Variants in HIBCH observed in about 807,000 individuals in gnomAD.
The protein encoded by HIBCH is 3-hydroxyisobutyryl-CoA hydrolase, mitochondrial.
A neutral mutation model predicts 58.2 loss-of-function variants in HIBCH; 50 were observed. That is an observed-to-expected ratio of 0.86 (90% confidence interval 0.68 to 1.09). HIBCH has a LOEUF of 1.09. HIBCH is among the 50% of genes least tolerant of loss of function. HIBCH has a pLI of 0.00. For missense variants in HIBCH, 450 were observed against 449.7 expected (o/e 1.00, Z -0.01); for synonymous variants, 151 against 146.9 (o/e 1.03, Z -0.20).
chr2:190,266,675 G>A (rs1055468014), intron 6 of HIBCH, among the ~76,000 whole-genome samples: 4 of 149,218 alleles, frequency 2.7e-5, no homozygotes, highest in African/African-American at 7.4e-5. Flanking sequence ...TCCAGGTGAC[G>A]CGCCCGCCTC....
At position 190,204,944 on chromosome 2, in the gene HIBCH, A is replaced by G; in HGVS notation, c.*173T>C. ...AATAAAGCTTTATTTGTGAATTCTG[A>G]TAATTTTCACGTCATGAATTATTAG... On this transcript the variant is annotated 3_prime_UTR_variant, in exon 14 of 14. Transcript: ENST00000359678. 3 of 621,088 alleles carry G rather than the reference A, an allele frequency of 4.8e-6. No individual in the cohort carries two copies. Among genetic ancestry groups the G allele is most frequent in the East Asian group, 2.8e-5 (1 of 35,404 alleles). 38.5% of individuals were successfully genotyped at this position (621,088 alleles called of 1,614,324 possible).
chr2:190,246,280 A>T, intron 9 of HIBCH, 68 bp from the exon 10 acceptor site: 1 of 863,900 alleles, frequency 1.2e-6, no homozygotes. Context: ...ATTCATATTT[A>T]ATGATACACT....
chr2:190,270,763 A>AG (rs1232140108), intron 6 of HIBCH, among the ~76,000 whole-genome samples: 1 of 152,220 alleles, frequency 6.6e-6, no homozygotes, highest in Non-Finnish European at 1.5e-5. Flanking sequence ...CACATACATT[A>AG]GATTAACAGA....
Position 190,249,697 on chromosome 2 carries a change from G to A in HIBCH, c.693C>T (p.Ala231=). The A allele has an allele frequency of 1.9e-6, 3 of 1,609,364 alleles. No homozygotes were observed. In the South Asian group the frequency reaches 3.3e-5, roughly 18 times the overall value. ...KLAMLEEDLL[A]LKSPSKENIA... ...TATTTTCTTTTGAAGGAGATTTCAAGGCTAACAAATCTTCCTCTAACATGG... is the reference window on the plus strand; with the variant it reads ...TATTTTCTTTTGAAGGAGATTTCAAAGCTAACAAATCTTCCTCTAACATGG... The change falls in exon 9 of 14, where the codon GCC becomes GCT. Residue 231 remains alanine (A), a synonymous_variant. Transcript: ENST00000359678.
chr2:190,290,067 C>G (rs539441998), intron 5 of HIBCH, among the ~76,000 whole-genome samples: 1 of 152,022 alleles, frequency 6.6e-6, no homozygotes, highest in Non-Finnish European at 1.5e-5. Flanking sequence ...TTAGTAGAGA[C>G]GGGGTTTCAG....
At chr2:190,285,111 T>C (rs946908289) in intron 6 of HIBCH, among the ~76,000 whole-genome samples, 2 of 152,232 alleles carry the variant, frequency 1.3e-5, no homozygotes, top group Admixed American at 6.5e-5. Flanking sequence ...ATTAAATTCA[T>C]CTCTTTCTAA....
intron 6 of HIBCH, among the ~76,000 whole-genome samples, chr2:190,280,476 A>C (rs1687676512): frequency 6.6e-6 from 1 of 152,192 alleles, no homozygotes; most frequent in South Asian, 2.1e-4. Context: ...AGGGAAAGGC[A>C]GTCTCCCAGT....
intron 6 of HIBCH, among the ~76,000 whole-genome samples, chr2:190,286,487 G>A (rs1016712216): frequency 2.0e-5 from 3 of 151,926 alleles, no homozygotes; most frequent in Non-Finnish European, 2.9e-5. Context: ...CCCTGCAATC[G>A]GTGAGGAAAA....
At chr2:190,302,081 A>G (rs1352254391) in intron 2 of HIBCH, among the ~76,000 whole-genome samples, 1 of 152,168 alleles carries the variant, frequency 6.6e-6, no homozygotes, top group Non-Finnish European at 1.5e-5. Flanking sequence ...AGACTATGAC[A>G]AATGAACTGT....
Position 190,209,240 on chromosome 2 carries a change from T to C in HIBCH, c.1012-327A>G, listed in dbSNP as rs1690462737. Among the ~76,000 whole-genome samples the C allele has an allele frequency of 6.6e-6, 1 of 152,156 alleles. No homozygotes were observed. The highest frequency in any genetic ancestry group is 1.5e-5 in the Non-Finnish European group (1 of 68,030). ...TAATATGGTCACTTTCCTGTCAAAA[T>C]GTCATCATCTCCCTCAAACCTTTTT... On this transcript the variant is annotated intron_variant, in intron 12 of 13. Transcript: ENST00000359678. The surrounding 1 kb of genome is among the most constrained non-coding windows in gnomAD (Gnocchi z 5.6).
chr2:190,315,565 C>T lies in HIBCH; in HGVS notation c.35+4151G>A, dbSNP rs1476745058. ...CAATTATCCAATAAAACAAACATGG[C>T]CTCACGAAATTAAACAACTACATGA... On this transcript the variant is annotated intron_variant, in intron 1 of 13. Transcript: ENST00000359678. The surrounding 1 kb of genome is among the most constrained non-coding windows in gnomAD (Gnocchi z 5.4). 1.3e-5 allele frequency among the ~76,000 whole-genome samples: 2 copies of T among 152,152 alleles called. No individual in the cohort carries two copies. The highest frequency in any genetic ancestry group is 4.8e-5 in the African/African-American group (2 of 41,440).
intron 11 of HIBCH, among the ~76,000 whole-genome samples, chr2:190,235,841 C>T (rs973183112): frequency 2.0e-5 from 3 of 152,192 alleles, no homozygotes. Context: ...CTACTTTAGA[C>T]ACACTTGCCA....
chr2:190,215,206 G>A lies in HIBCH; in HGVS notation c.892-2131C>T, dbSNP rs1345549924. ...AGATGATGTCAATCATGAATATTGT[G>A]TTTACTGGGGAAGAGAGGGGAATAA... is the stretch of plus-strand genomic sequence containing the variant. On this transcript the variant is annotated intron_variant, in intron 11 of 13. Transcript: ENST00000359678. The surrounding 1 kb of genome is among the most constrained non-coding windows in gnomAD (Gnocchi z 4.4). The A allele has an allele frequency of 2.0e-5, 3 of 152,158 alleles. No individual in the cohort carries two copies. The highest frequency in any genetic ancestry group is 2.9e-5 in the Non-Finnish European group (2 of 68,034). The allele number at this position is 152,158 out of a possible 1,614,324, so 9.4% of individuals were successfully genotyped here. A position where few individuals can be genotyped will look rare whatever the true frequency, so the allele number is the denominator to read the frequency against.
chr2:190,211,660 G>A lies in HIBCH; in HGVS notation c.1011+1296C>T, dbSNP rs1287778187. Among the ~76,000 whole-genome samples, 2 of 152,052 alleles carry A rather than the reference G, an allele frequency of 1.3e-5. No homozygotes were observed. The highest frequency in any genetic ancestry group is 2.9e-5 in the Non-Finnish European group (2 of 67,998). ...TCCCATTGCCCCCCAACTCCCTCCTGTCCCTGCATAATCTCTTCTATCACC... is the reference window on the plus strand; with the variant it reads ...TCCCATTGCCCCCCAACTCCCTCCTATCCCTGCATAATCTCTTCTATCACC... On this transcript the variant is annotated intron_variant, in intron 12 of 13. Coordinates refer to ENST00000359678, the MANE Select transcript of HIBCH (RefSeq NM_014362.4). This position sits in a 1 kb window ranked among gnomAD's most constrained non-coding sequence, Gnocchi z 5.0.
In HIBCH at chr2:190,211,959, C is replaced by A. The variant is rs998909717; in HGVS notation, c.1011+997G>T. On this transcript the variant is annotated intron_variant, in intron 12 of 13. Transcript: ENST00000359678. This position sits in a 1 kb window ranked among gnomAD's most constrained non-coding sequence, Gnocchi z 5.0. ...TGTGTGAGGTATACAGGAGAGTGGT[C>A]AAGAGTGCAGGCACTGGAGTAAGAC... Among the ~76,000 whole-genome samples, 9 of 152,162 alleles carry A rather than the reference C, an allele frequency of 5.9e-5. No individual in the cohort carries two copies. The highest frequency in any genetic ancestry group is 1.0e-4 in the Non-Finnish European group (7 of 68,026).
chr2:190,271,169 C>CA lies in HIBCH; in HGVS notation c.439-9936dup, dbSNP rs1414897782. ...TGGCCCAGCCTAGACACCTGAAAGT[C>CA]ATTCTTGCTCCACTTTATCCATCAC... On this transcript the variant is annotated intron_variant, in intron 6 of 13. Transcript: ENST00000359678. Among the ~76,000 whole-genome samples the CA allele has an allele frequency of 2.6e-5, 4 of 151,934 alleles. No individual in the cohort carries two copies. The East Asian group carries it at 7.7e-4, about 29-fold the overall frequency.
Position 190,236,152 on chromosome 2 carries a change from C to T in HIBCH, c.891+8735G>A, listed in dbSNP as rs910897775. 6.6e-6 allele frequency among the ~76,000 whole-genome samples: 1 copy of T among 152,042 alleles called. No individual in the cohort carries two copies. The highest frequency in any genetic ancestry group is 2.4e-5 in the African/African-American group (1 of 41,398). On this transcript the variant is annotated intron_variant, in intron 11 of 13. Coordinates refer to ENST00000359678, the MANE Select transcript of HIBCH (RefSeq NM_014362.4). The surrounding 1 kb of genome is among the most constrained non-coding windows in gnomAD (Gnocchi z 4.1). Reference sequence around the variant, plus strand: ...TGCACACACCTTCATGGAGTAACTGCCATTTTAAGGTATTTTACAATATTG... The same window carrying T: ...TGCACACACCTTCATGGAGTAACTGTCATTTTAAGGTATTTTACAATATTG...
rs1479390222 is a variant in HIBCH, at chr2:190,290,498, G to T, written c.305-13C>A. 1.0e-5 allele frequency: 16 copies of T among 1,539,990 alleles called. No homozygotes were observed. Among genetic ancestry groups the T allele is most frequent in the Non-Finnish European group, 1.3e-5 (15 of 1,117,348 alleles). On this transcript the variant is annotated splice_polypyrimidine_tract_variant and intron_variant, in intron 4 of 13. Coordinates refer to ENST00000359678, the MANE Select transcript of HIBCH (RefSeq NM_014362.4). ...GCTTCCGAGATCACTAGGAAGGAAAGATTACAAATAAAAAAAAAAAGATTT... is the reference window on the plus strand; with the variant it reads ...GCTTCCGAGATCACTAGGAAGGAAATATTACAAATAAAAAAAAAAAGATTT...
intron 1 of HIBCH, among the ~76,000 whole-genome samples, chr2:190,311,317 T>C (rs1688552579): frequency 6.6e-6 from 1 of 152,150 alleles, no homozygotes. Context: ...ACAGGAGATG[T>C]TTAGGGCAGT....
Sources: gnomAD v4.1 joint callset for allele counts (sites outside exome capture counted in the v4.1 genomes callset) on GRCh38, gnomAD v4.1.1 for gene constraint, Gnocchi (gnomAD v3.1) non-coding constraint, MANE v1.5 for transcripts, NCBI Gene and HGNC (gene_info 2026-07-23, HGNC 2026-07-21) for gene names.